RBFOX1: variants seen among roughly 807,000 people sequenced by gnomAD.
RBFOX1 encodes RNA binding protein fox-1 homolog 1.
A neutral mutation model predicts 57.7 loss-of-function variants in RBFOX1; 8 were observed. The observed-to-expected ratio is 0.14, with a 90% CI of 0.08 to 0.25. RBFOX1 has a LOEUF of 0.25. RBFOX1 is among the 10% of genes least tolerant of loss of function. The pLI is 1.00. For synonymous variants in RBFOX1, 326 were observed against 222.4 expected (o/e 1.47, Z -4.15); for missense variants, 611 against 548.5 (o/e 1.11, Z -1.14).
intron 4 of RBFOX1, among the ~76,000 whole-genome samples, chr16:6,013,580 C>G (rs1261002874): frequency 6.6e-6 from 1 of 152,170 alleles, no homozygotes; most frequent in Admixed American, 6.5e-5. Context: ...CTGGCTCTGA[C>G]ACAAAACTGA....
At chr16:5,533,869 T>TGGGCAG (rs1274065150) in intron 2 of RBFOX1, among the ~76,000 whole-genome samples, 2 of 151,848 alleles carry the variant, frequency 1.3e-5, no homozygotes, top group African/African-American at 4.8e-5. Context: ...CAAAGAGAGG[T>TGGGCAG]GGGCAGGGGT....
At chr16:6,855,505 T>G (rs1269802684) in intron 3 of RBFOX1, among the ~76,000 whole-genome samples, 1 of 151,752 alleles carries the variant, frequency 6.6e-6, no homozygotes, top group Admixed American at 6.6e-5. Context: ...CAGAAAAAAT[T>G]AGCTGGGGGC....
At chr16:7,431,116 A>T (rs957552516) in intron 4 of RBFOX1, 1 of 152,130 alleles carries the variant, frequency 6.6e-6, no homozygotes, top group South Asian at 2.1e-4. Context: ...AAACTGACTA[A>T]TTATCTACTG....
At chr16:5,585,452 A>G (rs965448980) in intron 2 of RBFOX1, among the ~76,000 whole-genome samples, 3 of 151,958 alleles carry the variant, frequency 2.0e-5, no homozygotes, top group Non-Finnish European at 4.4e-5. Context: ...CTCTCTTGGG[A>G]TTTTTAAACT....
intron 2 of RBFOX1, among the ~76,000 whole-genome samples, chr16:5,530,767 G>A (rs1187872704): frequency 6.6e-6 from 1 of 151,904 alleles, no homozygotes; most frequent in East Asian, 1.9e-4. Flanking sequence ...CAGTTGAGAA[G>A]CACTGCTCTA....
At chr16:6,062,685 GTATATATGTA>G (rs2095704737) in intron 1 of RBFOX1, among the ~76,000 whole-genome samples, 1 of 149,132 alleles carries the variant, frequency 6.7e-6, no homozygotes, top group Admixed American at 6.7e-5. Context: ...ATCTATATAT[GTATATATGTA>G]TCTATGCATA....
chr16:7,463,829 C>T (rs190645430), intron 4 of RBFOX1, among the ~76,000 whole-genome samples: 1 of 152,286 alleles, frequency 6.6e-6, no homozygotes, highest in East Asian at 1.9e-4. Flanking sequence ...TCACTCTATA[C>T]CAGCCACTGA....
intron 1 of RBFOX1, among the ~76,000 whole-genome samples, chr16:6,187,078 A>G (rs2097109916): frequency 6.6e-6 from 1 of 152,172 alleles, no homozygotes; most frequent in Admixed American, 6.5e-5. Context: ...ATCATGGACC[A>G]GTAGAGGGGA....
At chr16:6,843,403 C>G (rs953892924) in intron 3 of RBFOX1, among the ~76,000 whole-genome samples, 1 of 152,022 alleles carries the variant, frequency 6.6e-6, no homozygotes, top group African/African-American at 2.4e-5. Context: ...GTTAATAAAG[C>G]TTTGGCCAGA....
At chr16:7,387,607 T>G (rs991108816) in intron 4 of RBFOX1, among the ~76,000 whole-genome samples, 7 of 152,124 alleles carry the variant, frequency 4.6e-5, no homozygotes, top group Non-Finnish European at 8.8e-5. Context: ...TTCGAATGTA[T>G]GGTCAAGCAT....
At chr16:6,782,718 T>G (rs950427456) in intron 3 of RBFOX1, among the ~76,000 whole-genome samples, 3 of 152,178 alleles carry the variant, frequency 2.0e-5, no homozygotes, top group Admixed American at 2.0e-4. Context: ...TCGAATGAAA[T>G]GTTTTGTAAA....
chr16:6,945,055 A>G (rs993968022), intron 3 of RBFOX1, among the ~76,000 whole-genome samples: 6 of 152,040 alleles, frequency 3.9e-5, no homozygotes, highest in Non-Finnish European at 8.8e-5. Context: ...GTTCTAATGC[A>G]TTATTGAGGG....
At chr16:6,127,940 C>A (rs1034479379) in intron 1 of RBFOX1, among the ~76,000 whole-genome samples, 4 of 152,054 alleles carry the variant, frequency 2.6e-5, no homozygotes, top group African/African-American at 7.2e-5. Flanking sequence ...GATTAATATT[C>A]TTGGGGGTGC....
intron 3 of RBFOX1, among the ~76,000 whole-genome samples, chr16:5,766,664 G>A (rs1190185252): frequency 6.6e-6 from 1 of 152,086 alleles, no homozygotes; most frequent in African/African-American, 2.4e-5. Context: ...ACCAAGACAT[G>A]AGGGATCCCC....
chr16:6,264,791 TCTAA>T (rs538877566), intron 1 of RBFOX1, among the ~76,000 whole-genome samples: 223 of 152,358 alleles, frequency 1.5e-3, no homozygotes, highest in Non-Finnish European at 2.4e-3. Context: ...CACTGAAACT[TCTAA>T]CTATCTGATT....
At chr16:6,139,260 CTG>C (rs1368651402) in intron 1 of RBFOX1, among the ~76,000 whole-genome samples, 1 of 152,150 alleles carries the variant, frequency 6.6e-6, no homozygotes, top group Non-Finnish European at 1.5e-5. Flanking sequence ...CATGAGGCAA[CTG>C]TTATTTTCCT....
At chr16:5,302,795 T>C (rs897715917) in intron 1 of RBFOX1, among the ~76,000 whole-genome samples, 4 of 152,236 alleles carry the variant, frequency 2.6e-5, no homozygotes, top group Admixed American at 1.3e-4. Flanking sequence ...GTTTCCCGCC[T>C]TTTTTAGTTT....
intron 3 of RBFOX1, among the ~76,000 whole-genome samples, chr16:6,839,567 G>T (rs144831959): frequency 2.0e-5 from 3 of 152,296 alleles, no homozygotes; most frequent in African/African-American, 7.2e-5. Flanking sequence ...TGAAATGCCA[G>T]CCCTGCTGGT....
chr16:7,000,828 T>C (rs2092724768), intron 3 of RBFOX1, among the ~76,000 whole-genome samples: 1 of 152,048 alleles, frequency 6.6e-6, no homozygotes. Context: ...GCTCTCGATC[T>C]CCTGACCTTG....
Sources: gnomAD v4.1 joint callset for allele counts (sites outside exome capture counted in the v4.1 genomes callset) on GRCh38, gnomAD v4.1.1 for gene constraint, MANE v1.5 for transcripts, NCBI Gene and HGNC (gene_info 2026-07-23, HGNC 2026-07-21) for gene names.